SGCD: variants seen among roughly 807,000 people sequenced by gnomAD.
SGCD encodes the protein delta-sarcoglycan.
Under a neutral mutation model 36.6 loss-of-function variants are expected in SGCD, and 18 were observed. The ratio of observed to expected loss-of-function variants is 0.49; its 90% confidence interval spans 0.34 to 0.73. The LOEUF is 0.73. Ranked by LOEUF, SGCD falls within the 30% of genes least tolerant of loss-of-function variation. The probability of loss-of-function intolerance (pLI) is 0.01; values close to 1 mark genes in which losing one functional copy is unlikely to be tolerated. For missense variants in SGCD, 387 were observed against 346.7 expected (o/e 1.12, Z -0.92); for synonymous variants, 133 against 130.6 (o/e 1.02, Z -0.12).
chr5:156,614,950 A>C (rs546382492), intron 6 of SGCD, among the ~76,000 whole-genome samples: 3 of 152,260 alleles, frequency 2.0e-5, no homozygotes, highest in African/African-American at 7.2e-5. Context: ...ATGAACGAAA[A>C]ATGTTTTTGC....
intron 3 of SGCD, among the ~76,000 whole-genome samples, chr5:156,369,743 G>A (rs1504926): frequency 0.6 from 91,830 of 152,014 alleles, 28,542 homozygotes; most frequent in East Asian, 0.92. Flanking sequence ...TCAGTGTGCA[G>A]AGGTTTGTGG....
chr5:156,194,045 ACT>A (rs1457903287), intron 3 of SGCD, among the ~76,000 whole-genome samples: 1 of 152,216 alleles, frequency 6.6e-6, no homozygotes, highest in Non-Finnish European at 1.5e-5. Flanking sequence ...TTTTAAATAA[ACT>A]CTGTCATTAG....
chr5:156,152,606 A>C (rs1258648823), intron 3 of SGCD, among the ~76,000 whole-genome samples: 1 of 151,670 alleles, frequency 6.6e-6, no homozygotes, highest in Non-Finnish European at 1.5e-5. Flanking sequence ...TGCATACTTC[A>C]CCCATTTCTA....
At chr5:155,833,529 AT>A in the SGCD span, among the ~76,000 whole-genome samples, 3 of 152,156 alleles carry the variant, frequency 2.0e-5, no homozygotes, top group African/African-American at 7.2e-5. Flanking sequence ...CATCAAAAGA[AT>A]TGTTCTAAGT....
At chr5:156,056,654 A>AAAAAAAAACAAAAAAC in intron 1 of SGCD, among the ~76,000 whole-genome samples, 1 of 137,918 alleles carries the variant, frequency 7.3e-6, no homozygotes, top group African/African-American at 2.8e-5. Context: ...TTAAAAAAAA[A>AAAAAAAAACAAAAAAC]AAAAAAAAAA....
chr5:156,031,462 T>A (rs1469724407), intron 1 of SGCD, among the ~76,000 whole-genome samples: 1 of 152,070 alleles, frequency 6.6e-6, no homozygotes, highest in African/African-American at 2.4e-5. Context: ...TCTCATCGAA[T>A]GTAAAGGCTG....
chr5:156,728,486 G>A (rs1755887863), intron 7 of SGCD, among the ~76,000 whole-genome samples: 2 of 132,048 alleles, frequency 1.5e-5, no homozygotes, highest in African/African-American at 5.9e-5. Flanking sequence ...ACTCCAGCCT[G>A]GGTGACAGAG....
At chr5:155,841,979 G>T in the SGCD span, among the ~76,000 whole-genome samples, 1 of 152,124 alleles carries the variant, frequency 6.6e-6, no homozygotes, top group South Asian at 2.1e-4. Flanking sequence ...TGAAATAAGT[G>T]AAATAGATGC....
chr5:156,763,824 TAATC>T lies in SGCD; in HGVS notation c.*4437_*4440del, dbSNP rs1757539204. 1 of 152,128 alleles carries T rather than the reference TAATC, an allele frequency of 6.6e-6. No individual in the cohort carries two copies. Among genetic ancestry groups the T allele is most frequent in the South Asian group, 2.1e-4 (1 of 4,820 alleles). The allele number at this position is 152,128 out of a possible 1,614,324, so 9.4% of individuals were successfully genotyped here. A position where few individuals can be genotyped will look rare whatever the true frequency, so the allele number is the denominator to read the frequency against. On this transcript the variant is annotated 3_prime_UTR_variant, in exon 9 of 9. Transcript: ENST00000337851. ...TAAATGACCCCCATTTACCAGACCCTAATCAAAGTCACTTAAGGGAATCCCTCAG... is the reference window on the plus strand; with the variant it reads ...TAAATGACCCCCATTTACCAGACCCTAAAGTCACTTAAGGGAATCCCTCAG...
intron 7 of SGCD, among the ~76,000 whole-genome samples, chr5:156,706,350 C>T (rs1754740629): frequency 6.6e-6 from 1 of 152,124 alleles, no homozygotes; most frequent in African/African-American, 2.4e-5. Context: ...TTGTCATTCT[C>T]CACATACACT....
chr5:156,048,026 T>C (rs1448567495), intron 1 of SGCD, among the ~76,000 whole-genome samples: 1 of 152,102 alleles, frequency 6.6e-6, no homozygotes, highest in South Asian at 2.1e-4. Flanking sequence ...CCTGTGTCCA[T>C]GTGTTGTCAT....
chr5:155,995,291 T>C (rs573449623), intron 1 of SGCD, among the ~76,000 whole-genome samples: 1 of 152,356 alleles, frequency 6.6e-6, no homozygotes, highest in African/African-American at 2.4e-5. Flanking sequence ...CTCTCTTTTC[T>C]ATTTTTTTAA....
intron 4 of SGCD, among the ~76,000 whole-genome samples, chr5:156,518,981 A>G (rs1186877692): frequency 1.3e-5 from 2 of 152,136 alleles, no homozygotes; most frequent in African/African-American, 2.4e-5. Context: ...AAGCTAGCAG[A>G]CAAGAAGTTA....
At chr5:156,125,675 G>A (rs1762153540) in intron 3 of SGCD, among the ~76,000 whole-genome samples, 4 of 151,376 alleles carry the variant, frequency 2.6e-5, no homozygotes, top group Admixed American at 2.0e-4. Context: ...TACTTAGTAG[G>A]AATTCATTTT....
chr5:155,839,942 T>TC, the SGCD span, among the ~76,000 whole-genome samples: 1 of 151,722 alleles, frequency 6.6e-6, no homozygotes, highest in Non-Finnish European at 1.5e-5. Context: ...AAAACACTTT[T>TC]TTTTTTTTTA....
intron 3 of SGCD, among the ~76,000 whole-genome samples, chr5:156,260,663 G>A (rs910980286): frequency 6.6e-6 from 1 of 152,094 alleles, no homozygotes; most frequent in South Asian, 2.1e-4. Flanking sequence ...TTTCTAAACT[G>A]TATGTGTTTT....
At chr5:156,369,444 T>A (rs1171413633) in intron 3 of SGCD, among the ~76,000 whole-genome samples, 2 of 152,170 alleles carry the variant, frequency 1.3e-5, no homozygotes, top group Non-Finnish European at 2.9e-5. Context: ...TAGATTGGGG[T>A]TATAGACTAA....
Position 156,072,024 on chromosome 5 carries a change from C to A in SGCD, c.-281-45854C>A, listed in dbSNP as rs1189394269. On this transcript the variant is annotated intron_variant, in intron 1 of 9. Transcript: ENST00000517913. ...CCTTTTATTTTGTGCCTATGTGCGT[C>A]TCTGCACGTGAGATGGGTTTCCTCA... Among the ~76,000 whole-genome samples, 4 of 152,296 alleles carry A rather than the reference C, an allele frequency of 2.6e-5. No homozygotes were observed. The East Asian group carries it at 5.8e-4, about 22-fold the overall frequency.
chr5:156,360,488 T>G (rs1769729023), intron 3 of SGCD, among the ~76,000 whole-genome samples: 1 of 152,178 alleles, frequency 6.6e-6, no homozygotes, highest in African/African-American at 2.4e-5. Context: ...CCTCAGGTGA[T>G]CTGCCTGCCT....
Sources: gnomAD v4.1 joint callset for allele counts (sites outside exome capture counted in the v4.1 genomes callset) on GRCh38, gnomAD v4.1.1 for gene constraint, MANE v1.5 for transcripts, NCBI Gene and HGNC (gene_info 2026-07-23, HGNC 2026-07-21) for gene names.